The following YJU2B variants were observed in gnomAD, a reference collection of about 807,000 sequenced individuals.
YJU2B encodes the protein probable splicing factor YJU2B.
In YJU2B, 18 loss-of-function variants were observed where a neutral mutation model predicts 38.0. That is an observed-to-expected ratio of 0.47 (90% CI 0.33 to 0.70). The LOEUF (loss-of-function observed/expected upper bound fraction) is 0.70, where lower values mean the gene tolerates loss of function less well. YJU2B is among the 30% of genes least tolerant of loss of function. The pLI is 0.02. For missense variants in YJU2B, 538 were observed against 556.3 expected (o/e 0.97, Z 0.33); for synonymous variants, 246 against 225.4 (o/e 1.09, Z -0.82).
upstream of YJU2B, among the ~76,000 whole-genome samples, chr19:13,746,210 C>T (rs1033532390): frequency 6.6e-6 from 1 of 152,070 alleles, no homozygotes; most frequent in South Asian, 2.1e-4. Flanking sequence ...TGAGACCACA[C>T]CACTGCACTC....
rs1051963783 is a variant in YJU2B at position 13,750,872 on chromosome 19, A to G, written c.-201-736A>G. ...GACTCCGTCTCAAAAAAAAAAAAAA[A>G]AAAAAAAAGCCTGTAACAAAGAGCT... On this transcript the variant is annotated intron_variant, in intron 1 of 9. Coordinates refer to ENST00000221554, the MANE Select transcript of YJU2B (RefSeq NM_030818.4). Among the ~76,000 whole-genome samples the G allele has an allele frequency of 2.0e-5, 3 of 151,156 alleles. No individual in the cohort carries two copies. The South Asian group carries it at 6.2e-4, about 31-fold the overall frequency.
chr19:13,732,548 C>T (rs1341452942), intron 2 of YJU2B: 1 of 150,586 alleles, frequency 6.6e-6, no homozygotes, highest in East Asian at 2.0e-4. Flanking sequence ...GCCAATCCCT[C>T]CTGGGCAACA....
intron 2 of YJU2B, among the ~76,000 whole-genome samples, chr19:13,737,996 G>A (rs774774356): frequency 1.3e-5 from 2 of 152,094 alleles, no homozygotes; most frequent in Non-Finnish European, 2.9e-5. Context: ...TCCCTGCTTC[G>A]AAACAGGCCA....
chr19:13,740,491 C>T (rs1177055074), intron 2 of YJU2B, among the ~76,000 whole-genome samples: 1 of 152,022 alleles, frequency 6.6e-6, no homozygotes, highest in East Asian at 1.9e-4. Flanking sequence ...GGGTTACAGG[C>T]ATGAACCACC....
rs575341832 is a variant in YJU2B at position 13,757,987 on chromosome 19, C to T, written c.257+141C>T. The stretch of plus-strand genomic sequence containing the variant: ...CCTGGTTGGTGAATCAGGGCACACC[C>T]CACCCCCGCAACCCTCCATGGCTCC... On this transcript the variant is annotated intron_variant, in intron 6 of 9. Transcript: ENST00000221554. 205 of 679,266 alleles carry T rather than the reference C, an allele frequency of 3.0e-4. No individual in the cohort carries two copies. In the African/African-American group the frequency reaches 3.4e-3, roughly 11 times the overall value. 42.1% of individuals were successfully genotyped at this position (679,266 alleles called of 1,614,324 possible). A position where few individuals can be genotyped will look rare whatever the true frequency, so the allele number is the denominator to read the frequency against.
At position 13,748,691 on chromosome 19, in the gene YJU2B, C is replaced by T. The variant is rs10416461; in HGVS notation, c.-202+737C>T. Among the ~76,000 whole-genome samples the T allele has an allele frequency of 9.1e-3, 1,385 of 152,286 alleles. 19 individuals carry two copies. Among genetic ancestry groups the T allele is most frequent in the African/African-American group, 0.032 (1,327 of 41,558 alleles). On this transcript the variant is annotated intron_variant, in intron 1 of 9. Transcript: ENST00000221554. ...CTTGTCGTCGTCATTCGCCCTTTAC[C>T]GGTGACGAAATACAAGCCCAGGGAA...
At chr19:13,745,306 T>G (rs887314565), upstream of YJU2B, among the ~76,000 whole-genome samples, 1 of 152,118 alleles carries the variant, frequency 6.6e-6, no homozygotes, top group Non-Finnish European at 1.5e-5. Flanking sequence ...CATGACTATG[T>G]AAGAATTCAT....
At position 13,762,330 on chromosome 19, in the gene YJU2B, A is replaced by T; in HGVS notation, c.605A>T (p.Glu202Val). 1 of 1,613,780 alleles carries T rather than the reference A, an allele frequency of 6.2e-7. No individual in the cohort carries two copies. Among genetic ancestry groups the T allele is most frequent in the Non-Finnish European group, 8.5e-7 (1 of 1,179,994 alleles). ...AAAAAAGCCATCCAGGAGGAGGAGG[A>T]GAGAGACCAGGCCTTGCAGGCCAAG... ...EKKKAIQEEEERDQALQAKAS... is the reference protein window; with the variant it reads ...EKKKAIQEEEVRDQALQAKAS... Residue 202 changes from glutamate to valine, a missense_variant, in exon 9 of 10, where the codon GAG (glutamate) becomes GTG (valine). This residue lies in a region of YJU2B where 488 missense variants were observed against 469.5 expected (regional missense o/e 1.04). Transcript: ENST00000221554.
chr19:13,761,407 T>C (rs1973882386), intron 8 of YJU2B: 1 of 152,258 alleles, frequency 6.6e-6, no homozygotes, highest in South Asian at 2.1e-4. Context: ...TTAAACTAAA[T>C]TAAAAAATAA....
intron 2 of YJU2B, chr19:13,732,627 T>TTG (rs1555698265): frequency 6.7e-6 from 1 of 149,086 alleles, no homozygotes; most frequent in Non-Finnish European, 1.5e-5. Flanking sequence ...TTTTTTTTTT[T>TTG]GCGACAGAGT....
chr19:13,759,875 G>A (rs907538116), intron 8 of YJU2B, among the ~76,000 whole-genome samples: 2 of 148,048 alleles, frequency 1.4e-5, no homozygotes, highest in African/African-American at 2.5e-5. Context: ...TTGGGTCACC[G>A]CAACTTCTGC....
chr19:13,754,177 A>C (rs1599522731), intron 2 of YJU2B, 112 bp from the exon 3 acceptor site: 2 of 802,324 alleles, frequency 2.5e-6, no homozygotes, highest in East Asian at 5.3e-5. Context: ...ATCTCTAAAA[A>C]TTAATAGTAA....
chr19:13,761,097 T>TGGCTG (rs1225322555), intron 8 of YJU2B, among the ~76,000 whole-genome samples: 1 of 151,884 alleles, frequency 6.6e-6, no homozygotes, highest in Non-Finnish European at 1.5e-5. Flanking sequence ...TGGAACCTCT[T>TGGCTG]GGCTGGGCGC....
intron 2 of YJU2B, among the ~76,000 whole-genome samples, chr19:13,753,586 A>AG (rs1973553471): frequency 6.6e-6 from 1 of 151,198 alleles, no homozygotes; most frequent in Non-Finnish European, 1.5e-5. Context: ...AAAAAAAAAA[A>AG]AAAAAAAAAA....
intron 2 of YJU2B, among the ~76,000 whole-genome samples, chr19:13,737,178 A>G (rs1972973193): frequency 6.6e-6 from 1 of 152,100 alleles, no homozygotes; most frequent in Non-Finnish European, 1.5e-5. Context: ...TAAGCACATG[A>G]CAACACCCAG....
At chr19:13,756,324 C>T (rs1568292982) in intron 4 of YJU2B, 45 bp downstream of exon 4, 1 of 1,509,242 alleles carries the variant, frequency 6.6e-7, no homozygotes, top group South Asian at 1.1e-5. Context: ...CTGCCCCATT[C>T]CTTCAGTCTC....
intron 1 of YJU2B, among the ~76,000 whole-genome samples, chr19:13,749,471 T>C (rs1599511388): frequency 6.6e-6 from 1 of 152,202 alleles, no homozygotes; most frequent in East Asian, 1.9e-4. Flanking sequence ...GATTTCTAGC[T>C]ATGAAAGCAG....
intron 6 of YJU2B, among the ~76,000 whole-genome samples, 187 bp downstream of exon 6, chr19:13,758,033 C>T (rs1973735977): frequency 6.6e-6 from 1 of 152,118 alleles, no homozygotes. Context: ...AGTAAAAGCC[C>T]AAGTCCTCCC....
chr19:13,735,039 G>C (rs1568274109), intron 2 of YJU2B, among the ~76,000 whole-genome samples: 1 of 152,206 alleles, frequency 6.6e-6, no homozygotes, highest in Non-Finnish European at 1.5e-5. Context: ...GATCTTAGCA[G>C]GGCACAGCGG....
Sources: gnomAD v4.1 joint callset for allele counts (sites outside exome capture counted in the v4.1 genomes callset) on GRCh38, gnomAD v4.1.1 for gene constraint, gnomAD v4.1.1 regional missense constraint, MANE v1.5 for transcripts, NCBI Gene and HGNC (gene_info 2026-07-23, HGNC 2026-07-21) for gene names.